Variants in LONRF2 observed in about 807,000 individuals in gnomAD.
LONRF2 encodes the protein LON peptidase N-terminal domain and ring finger 2, also known as LON peptidase N-terminal domain and RING finger protein 2.
LONRF2 carries 35 observed loss-of-function variants against 66.6 expected under a neutral mutation model. The ratio of observed to expected loss-of-function variants is 0.53; its 90% CI spans 0.40 to 0.70. LONRF2 has a LOEUF of 0.70. Among genes scored for constraint, LONRF2 ranks in the 30% least tolerant of loss-of-function variants. The pLI is 0.00. For missense variants in LONRF2, 902 were observed against 1,002.1 expected (o/e 0.90, Z 1.35); for synonymous variants, 417 against 418.1 (o/e 1.00, Z 0.03).
Position 100,298,937 on chromosome 2 carries a change from G to C in LONRF2, c.1375C>G (p.Pro459Ala). ...GTGTGTCCACAGGGCGTAGTGACAG[G>C]TTCAAAGAGCAATCTGGAAGAAAAT... Reference protein sequence around the residue: ...CALCMRLLFEPVTTPCGHTFC... With the variant: ...CALCMRLLFEAVTTPCGHTFC... The change falls in exon 7 of 12, where the codon CCT becomes GCT. Residue 459 changes from proline (P) to alanine (A), a missense_variant. By Grantham distance (27) the Pro-to-Ala change is conservative. This residue lies in a region of LONRF2 where 317 missense variants were observed against 432.2 expected (regional missense o/e 0.73). Coordinates refer to ENST00000393437, the MANE Select transcript of LONRF2 (RefSeq NM_198461.4). 8 of 1,613,046 alleles carry C rather than the reference G, an allele frequency of 5.0e-6. No individual in the cohort carries two copies. Among genetic ancestry groups the C allele is most frequent in the Non-Finnish European group, 6.8e-6 (8 of 1,179,014 alleles).
At chr2:100,308,306 G>A (rs1482022162) in intron 2 of LONRF2, among the ~76,000 whole-genome samples, 1 of 152,038 alleles carries the variant, frequency 6.6e-6, no homozygotes, top group Admixed American at 6.6e-5. Flanking sequence ...GGGACAGAGA[G>A]ACACTCCGTC....
chr2:100,285,691 C>A (rs1191691785), intron 11 of LONRF2, among the ~76,000 whole-genome samples: 3 of 152,104 alleles, frequency 2.0e-5, no homozygotes, highest in African/African-American at 7.2e-5. Flanking sequence ...ATTGCTGGCT[C>A]TGATGGAGGA....
intron 2 of LONRF2, among the ~76,000 whole-genome samples, chr2:100,308,723 T>C (rs995766210): frequency 6.6e-6 from 1 of 152,228 alleles, no homozygotes; most frequent in Non-Finnish European, 1.5e-5. Context: ...TTTGTTCATA[T>C]GCATATTAGG....
chr2:100,287,203 T>C lies in LONRF2; in HGVS notation c.1921-140A>G, dbSNP rs1380785918. 5.2e-6 allele frequency: 4 copies of C among 766,526 alleles called. No individual in the cohort carries two copies. The African/African-American group carries it at 5.3e-5, about 10-fold the overall frequency. 47.5% of individuals were successfully genotyped at this position (766,526 alleles called of 1,614,324 possible). A position where few individuals can be genotyped will look rare whatever the true frequency, so the allele number is the denominator to read the frequency against. The stretch of plus-strand genomic sequence containing the variant: ...TCATCAGTTTCACAAAAATGGTACA[T>C]GCTCAATATAGAAATCTGCATTTTT... On this transcript the variant is annotated intron_variant, in intron 10 of 11. Coordinates refer to ENST00000393437, the MANE Select transcript of LONRF2 (RefSeq NM_198461.4).
chr2:100,284,481 G>T lies in LONRF2; in HGVS notation c.2082C>A (p.Ser694Arg), dbSNP rs150403852. ...GGATCCACCAGGACCAGGCAGGGCC[G>T]CTGGGATTACTCTGCAAAAGAGATG... The part of the protein sequence containing the change: ...DREPEPQSNP[S>R]GPAWSWWILA... Residue 694 changes from serine to arginine, a missense_variant, in exon 12 of 12, where the codon AGC becomes AGA. Ser to Arg is a moderately radical substitution (Grantham distance 110). Transcript: ENST00000393437. 3 of 1,587,622 alleles carry T rather than the reference G, an allele frequency of 1.9e-6. No individual in the cohort carries two copies. Among genetic ancestry groups the T allele is most frequent in the African/African-American group, 2.7e-5 (2 of 74,038 alleles).
chr2:100,285,762 C>T (rs13427376), intron 11 of LONRF2, among the ~76,000 whole-genome samples: 5,653 of 152,234 alleles, frequency 0.037, 359 homozygotes, highest in African/African-American at 0.13. Context: ...CAGACTCTCC[C>T]CCACAACCTC....
chr2:100,302,803 T>C, intron 3 of LONRF2, 118 bp downstream of exon 3: 4 of 1,045,334 alleles, frequency 3.8e-6, no homozygotes, highest in Non-Finnish European at 2.6e-6. Context: ...TTTTATTGCA[T>C]TATCACGAAC....
chr2:100,306,502 G>A (rs1380740912), intron 2 of LONRF2, among the ~76,000 whole-genome samples: 3 of 152,024 alleles, frequency 2.0e-5, no homozygotes, highest in East Asian at 1.9e-4. Flanking sequence ...TTATAAGTTC[G>A]CTGTTTGGGT....
Position 100,309,096 on chromosome 2 carries a change from A to G in LONRF2, c.798+11T>C, listed in dbSNP as rs1361674650. 1 of 1,513,218 alleles carries G rather than the reference A, an allele frequency of 6.6e-7. No individual in the cohort carries two copies. The highest frequency in any genetic ancestry group is 2.3e-5 in the East Asian group (1 of 43,882). 93.7% of individuals were successfully genotyped at this position (1,513,218 alleles called of 1,614,324 possible). ...ACATTGATTATCTCCAAAGCTAACA[A>G]ATACAAATACCTTAATCAAGAGAGG... On this transcript the variant is annotated intron_variant, in intron 2 of 11. Coordinates refer to ENST00000393437, the MANE Select transcript of LONRF2 (RefSeq NM_198461.4).
At chr2:100,300,329 C>T (rs1023790849) in intron 4 of LONRF2, among the ~76,000 whole-genome samples, 2 of 151,962 alleles carry the variant, frequency 1.3e-5, no homozygotes, top group Admixed American at 6.5e-5. Flanking sequence ...TATACATGTG[C>T]CATGTTGGTG....
intron 2 of LONRF2, among the ~76,000 whole-genome samples, chr2:100,306,017 T>C (rs909877041): frequency 5.9e-5 from 9 of 152,042 alleles, no homozygotes; most frequent in Non-Finnish European, 1.2e-4. Context: ...GCCTCCGGAG[T>C]AGCTGGGATT....
intron 9 of LONRF2, among the ~76,000 whole-genome samples, chr2:100,292,533 A>T (rs1674983111): frequency 6.6e-6 from 1 of 152,258 alleles, no homozygotes; most frequent in South Asian, 2.1e-4. Flanking sequence ...TTCAAGAAAT[A>T]CATGTTCTGT....
rs1006865377 is a variant in LONRF2 at position 100,273,749 on chromosome 2, C to T, written c.*10549G>A. On this transcript the variant is annotated 3_prime_UTR_variant, in exon 12 of 12. Coordinates refer to ENST00000393437, the MANE Select transcript of LONRF2 (RefSeq NM_198461.4). ...ACACCAGCTTATTTATTCAAATTTG[C>T]TCTTCTTATTAAACAGAAAAAAAAT... 2 of 152,130 alleles carry T rather than the reference C, an allele frequency of 1.3e-5. No individual in the cohort carries two copies. The highest frequency in any genetic ancestry group is 6.5e-5 in the Admixed American group (1 of 15,274). The allele number at this position is 152,130 out of a possible 1,614,324, so 9.4% of individuals were successfully genotyped here.
rs1465786102 is a variant in LONRF2 at position 100,295,037 on chromosome 2, G to A, written c.1598+395C>T. On this transcript the variant is annotated intron_variant, in intron 8 of 11. Transcript: ENST00000393437. The stretch of plus-strand genomic sequence containing the variant: ...TTTATAATAATTTTTTAATATAGAG[G>A]TGGGGTCTTGCTATGTTGGCCAGGT... Among the ~76,000 whole-genome samples the A allele has an allele frequency of 2.0e-5, 3 of 150,640 alleles. No individual in the cohort carries two copies. The East Asian group carries it at 5.8e-4, about 29-fold the overall frequency.
Position 100,284,287 on chromosome 2 carries a change from A to G in LONRF2, c.*11T>C. 2 of 1,501,154 alleles carry G rather than the reference A, an allele frequency of 1.3e-6. No homozygotes were observed. The highest frequency in any genetic ancestry group is 2.5e-5 in the East Asian group (1 of 40,256). 93.0% of individuals were successfully genotyped at this position (1,501,154 alleles called of 1,614,324 possible). ...CACAAGGGCTGCCAGAAACCTTGAC[A>G]GAGAGAAAAATCAATTATTTCTCTC... On this transcript the variant is annotated 3_prime_UTR_variant, in exon 12 of 12. Coordinates refer to ENST00000393437, the MANE Select transcript of LONRF2 (RefSeq NM_198461.4).
chr2:100,303,631 T>A (rs1675229879), intron 2 of LONRF2, among the ~76,000 whole-genome samples: 1 of 152,236 alleles, frequency 6.6e-6, no homozygotes, highest in African/African-American at 2.4e-5. Flanking sequence ...AAATATGTTG[T>A]TCCAATGTCA....
In LONRF2 at chr2:100,279,650, C is replaced by CGT. The variant is rs1674672249; in HGVS notation, c.*4647_*4648insAC. 1 of 151,360 alleles carries CGT rather than the reference C, an allele frequency of 6.6e-6. No homozygotes were observed. Among genetic ancestry groups the CGT allele is most frequent in the Non-Finnish European group, 1.5e-5 (1 of 67,794 alleles). The allele number at this position is 151,360 out of a possible 1,614,324, so 9.4% of individuals were successfully genotyped here. A position where few individuals can be genotyped will look rare whatever the true frequency, so the allele number is the denominator to read the frequency against. Reference sequence around the variant, plus strand: ...CCCAGGGTGAGCCAATTCTTAGATACAGCAAAGGGCTACCCTGGGAGCAAA... The same window carrying CGT: ...CCCAGGGTGAGCCAATTCTTAGATACGTAGCAAAGGGCTACCCTGGGAGCAAA... On this transcript the variant is annotated 3_prime_UTR_variant, in exon 12 of 12. Transcript: ENST00000393437.
chr2:100,304,198 G>A (rs1330879048), intron 2 of LONRF2, among the ~76,000 whole-genome samples: 4 of 151,820 alleles, frequency 2.6e-5, no homozygotes, highest in Admixed American at 1.3e-4. Context: ...TGTTGCCCAG[G>A]CTAGAACGCA....
chr2:100,297,638 A>G (rs564699775), intron 7 of LONRF2, among the ~76,000 whole-genome samples: 1 of 152,334 alleles, frequency 6.6e-6, no homozygotes, highest in African/African-American at 2.4e-5. Flanking sequence ...CGATGCATCT[A>G]CTAGCAAGAA....
Sources: gnomAD v4.1 joint callset for allele counts (sites outside exome capture counted in the v4.1 genomes callset) on GRCh38, gnomAD v4.1.1 for gene constraint, gnomAD v4.1.1 regional missense constraint, MANE v1.5 for transcripts, NCBI Gene and HGNC (gene_info 2026-07-23, HGNC 2026-07-21) for gene names.